Variants in LOC128071544 observed in about 807,000 individuals in gnomAD.
chr1:147,611,606 T>C, the LOC128071544 span: 2 of 553,950 alleles, frequency 3.6e-6, no homozygotes, highest in Admixed American at 3.0e-5. Context: ...GATTTTCCTC[T>C]GGCAGCAGGA....
chr1:147,611,720 A>C, the LOC128071544 span: 1 of 955,712 alleles, frequency 1.0e-6, no homozygotes, highest in East Asian at 2.4e-5. Context: ...GCGCTAAGGG[A>C]CGCACCCAGC....
At chr1:147,611,776 A>T in the LOC128071544 span, 1 of 1,554,958 alleles carries the variant, frequency 6.4e-7, no homozygotes, top group East Asian at 2.2e-5. Flanking sequence ...TTTCTGCTGC[A>T]ACCCGAGAGG....
the LOC128071544 span, chr1:147,611,719 G>T: frequency 2.1e-6 from 2 of 950,128 alleles, no homozygotes; most frequent in East Asian, 4.8e-5. Flanking sequence ...AGCGCTAAGG[G>T]ACGCACCCAG....
chr1:147,611,629 G>A, the LOC128071544 span: 1 of 578,032 alleles, frequency 1.7e-6, no homozygotes, highest in Admixed American at 3.0e-5. Context: ...CACGCACCCA[G>A]AGAATGCTGG....
chr1:147,611,653 A>G, the LOC128071544 span: 1 of 598,938 alleles, frequency 1.7e-6, no homozygotes, highest in East Asian at 2.8e-5. Context: ...TGCAAGGGGA[A>G]AGGACCCACT....
At chr1:147,611,712 G>A in the LOC128071544 span, 24 of 866,614 alleles carry the variant, frequency 2.8e-5, no homozygotes, top group African/African-American at 5.0e-5. Flanking sequence ...GGCAGCGAGC[G>A]CTAAGGGACG....
At chr1:147,611,784 A>G in the LOC128071544 span, 170 of 1,576,124 alleles carry the variant, frequency 1.1e-4, no homozygotes, top group Non-Finnish European at 1.5e-4. Context: ...GCAACCCGAG[A>G]GGAACTCGGT....
chr1:147,611,622 G>A, the LOC128071544 span: 52 of 565,044 alleles, frequency 9.2e-5, no homozygotes, highest in African/African-American at 3.8e-5. Context: ...CAGGAGGCAC[G>A]CACCCAGAGA....
chr1:147,611,594 G>A, the LOC128071544 span: 13 of 543,810 alleles, frequency 2.4e-5, no homozygotes, highest in East Asian at 1.2e-4. Flanking sequence ...CTGGAGATGC[G>A]AGATTTTCCT....
Sources: gnomAD v4.1 joint callset for allele counts on GRCh38, gnomAD v4.1.1 for gene constraint, MANE v1.5 for transcripts.